GPC6: variants seen among roughly 807,000 people sequenced by gnomAD.
GPC6 encodes glypican 6, also known as glypican-6.
In GPC6, 14 loss-of-function variants were observed where a neutral mutation model predicts 55.2. The ratio of observed to expected loss-of-function variants is 0.25; its 90% CI spans 0.17 to 0.40. The LOEUF (loss-of-function observed/expected upper bound fraction) is 0.40. GPC6 is among the 10% of genes least tolerant of loss of function. GPC6 has a pLI of 1.00. For synonymous variants in GPC6, 278 were observed against 259.6 expected (o/e 1.07, Z -0.68); for missense variants, 641 against 708.5 (o/e 0.90, Z 1.08).
intron 2 of GPC6, among the ~76,000 whole-genome samples, chr13:93,730,202 T>A (rs1455314930): frequency 1.3e-5 from 2 of 152,136 alleles, no homozygotes; most frequent in African/African-American, 2.4e-5. Context: ...CAACTTTCTC[T>A]GATTTCTCTC....
At chr13:93,976,289 A>T (rs1880511505) in intron 3 of GPC6, among the ~76,000 whole-genome samples, 2 of 151,650 alleles carry the variant, frequency 1.3e-5, no homozygotes, top group Non-Finnish European at 2.9e-5. Context: ...TACTAAACAT[A>T]CTAATTATAG....
At chr13:93,475,496 A>G (rs547967388) in intron 1 of GPC6, among the ~76,000 whole-genome samples, 1 of 152,306 alleles carries the variant, frequency 6.6e-6, no homozygotes, top group African/African-American at 2.4e-5. Context: ...AAAACTTTCT[A>G]TATCTGAAAC....
At chr13:93,905,432 T>A (rs1484070870) in intron 3 of GPC6, among the ~76,000 whole-genome samples, 2 of 152,150 alleles carry the variant, frequency 1.3e-5, no homozygotes, top group Non-Finnish European at 2.9e-5. Flanking sequence ...GTTAGTTAAT[T>A]TTGCAGCCAG....
intron 3 of GPC6, among the ~76,000 whole-genome samples, chr13:93,837,847 C>T (rs1983987): frequency 0.42 from 64,178 of 151,780 alleles, 14,789 homozygotes; most frequent in African/African-American, 0.6. Context: ...GCACCTAGCA[C>T]AGTGAAGGAC....
intron 4 of GPC6, among the ~76,000 whole-genome samples, chr13:94,154,962 C>T (rs1226083013): frequency 2.0e-5 from 3 of 152,176 alleles, no homozygotes; most frequent in African/African-American, 7.2e-5. Flanking sequence ...TGTTCTCCTT[C>T]TCAGCCACCT....
intron 4 of GPC6, among the ~76,000 whole-genome samples, chr13:94,237,728 AC>A (rs1306955883): frequency 6.6e-6 from 1 of 152,096 alleles, no homozygotes; most frequent in African/African-American, 2.4e-5. Context: ...GAATAAAAAA[AC>A]GTAGGTGGGC....
At position 93,591,403 on chromosome 13, in the gene GPC6, G is replaced by A. The variant is rs145919940; in HGVS notation, c.319+45982G>A. Reference sequence around the variant, plus strand: ...GGCGTGAACCCGGGAGGTGGAGCTTGCAGTGAATCGAGATCGCGCCACTGC... The same window carrying A: ...GGCGTGAACCCGGGAGGTGGAGCTTACAGTGAATCGAGATCGCGCCACTGC... On this transcript the variant is annotated intron_variant, in intron 2 of 8. Coordinates refer to ENST00000377047, the MANE Select transcript of GPC6 (RefSeq NM_005708.5). Among the ~76,000 whole-genome samples, 650 of 150,588 alleles carry A rather than the reference G, an allele frequency of 4.3e-3. 3 individuals carry two copies. The highest frequency in any genetic ancestry group is 0.021 in the Middle Eastern group (6 of 284).
At chr13:93,916,078 A>G (rs1178824073) in intron 3 of GPC6, among the ~76,000 whole-genome samples, 1 of 151,584 alleles carries the variant, frequency 6.6e-6, no homozygotes, top group Non-Finnish European at 1.5e-5. Flanking sequence ...GGGAGTAGGC[A>G]GCCTTCAGAG....
At chr13:93,400,262 T>C (rs1876018685) in intron 1 of GPC6, among the ~76,000 whole-genome samples, 1 of 151,864 alleles carries the variant, frequency 6.6e-6, no homozygotes, top group Admixed American at 6.6e-5. Context: ...TTTCTTCTTC[T>C]CTTTTGTCCC....
chr13:93,642,575 T>C (rs1252125690), intron 2 of GPC6, among the ~76,000 whole-genome samples: 1 of 152,108 alleles, frequency 6.6e-6, no homozygotes, highest in Non-Finnish European at 1.5e-5. Context: ...ATCTTTAAAC[T>C]GTTTTTCAAG....
intron 2 of GPC6, among the ~76,000 whole-genome samples, chr13:93,824,933 A>T (rs1033014031): frequency 6.6e-6 from 1 of 152,096 alleles, no homozygotes; most frequent in Admixed American, 6.6e-5. Context: ...TGGAAATGGG[A>T]GTATTGACTA....
intron 1 of GPC6, among the ~76,000 whole-genome samples, chr13:93,401,155 CGTGT>C (rs5805802): frequency 0.062 from 8,826 of 143,420 alleles, 319 homozygotes; most frequent in African/African-American, 0.093. Flanking sequence ...AGGTATTTGT[CGTGT>C]GTGTGTGTGT....
At chr13:93,784,897 G>A (rs911309957) in intron 2 of GPC6, among the ~76,000 whole-genome samples, 1 of 152,084 alleles carries the variant, frequency 6.6e-6, no homozygotes, top group African/African-American at 2.4e-5. Flanking sequence ...GCTTCTTGGA[G>A]GATGTTAAGT....
At chr13:93,445,700 G>C (rs1877974221) in intron 1 of GPC6, among the ~76,000 whole-genome samples, 1 of 152,166 alleles carries the variant, frequency 6.6e-6, no homozygotes, top group Admixed American at 6.5e-5. Context: ...TTGTTAATGG[G>C]ATCTTATTCA....
At chr13:94,250,134 A>G (rs1346748393) in intron 4 of GPC6, among the ~76,000 whole-genome samples, 1 of 152,190 alleles carries the variant, frequency 6.6e-6, no homozygotes. Context: ...AGATTAAGAG[A>G]AAGTCTTTGC....
At chr13:93,483,663 T>C (rs192815014) in intron 1 of GPC6, among the ~76,000 whole-genome samples, 10 of 152,300 alleles carry the variant, frequency 6.6e-5, no homozygotes, top group Admixed American at 6.5e-4. Context: ...TGTAATTTAG[T>C]AATAAAAAGA....
intron 1 of GPC6, among the ~76,000 whole-genome samples, chr13:93,244,996 A>C (rs1303114730): frequency 6.6e-6 from 1 of 152,212 alleles, no homozygotes; most frequent in Non-Finnish European, 1.5e-5. Flanking sequence ...AATTGAGAGA[A>C]ACTGCTGAGG....
chr13:93,816,082 G>A (rs774890362), intron 2 of GPC6, among the ~76,000 whole-genome samples: 1 of 152,090 alleles, frequency 6.6e-6, no homozygotes, highest in Non-Finnish European at 1.5e-5. Context: ...GCTCTGTAGA[G>A]AAAATGAGCA....
At chr13:93,613,981 C>G (rs1226603168) in intron 2 of GPC6, among the ~76,000 whole-genome samples, 2 of 152,166 alleles carry the variant, frequency 1.3e-5, no homozygotes, top group Non-Finnish European at 1.5e-5. Flanking sequence ...GGGCAATTGA[C>G]TAGGTCACAC....
Sources: gnomAD v4.1 joint callset for allele counts (sites outside exome capture counted in the v4.1 genomes callset) on GRCh38, gnomAD v4.1.1 for gene constraint, MANE v1.5 for transcripts, NCBI Gene and HGNC (gene_info 2026-07-23, HGNC 2026-07-21) for gene names.